Variants in HMCN2 observed in about 807,000 individuals in gnomAD.
The protein encoded by HMCN2 is hemicentin 2, also known as hemicentin-2.
HMCN2 carries 325 observed loss-of-function variants against 377.5 expected under a neutral mutation model. That is an observed-to-expected ratio of 0.86 (90% CI 0.79 to 0.94). HMCN2 has a LOEUF of 0.94. Ranked by LOEUF, HMCN2 falls within the 40% of genes least tolerant of loss-of-function variation. HMCN2 has a pLI of 0.00. For synonymous variants in HMCN2, 2,007 were observed against 2,046.8 expected, an observed-to-expected ratio of 0.98 and a Z score of 0.53; for missense variants, 4,543 against 4,725.3, an observed-to-expected ratio of 0.96 and a Z score of 1.13.
rs1836659157 is a variant in HMCN2, at chr9:130,303,673, G to A, written c.1543+65G>A. Reference sequence around the variant, plus strand: ...CCTCTTCTTGGGTTCTTACCCCTAGGATTTCCTCCAGGCGAGTCTCCAGCC... The same window carrying A: ...CCTCTTCTTGGGTTCTTACCCCTAGAATTTCCTCCAGGCGAGTCTCCAGCC... On this transcript the variant is annotated intron_variant, in intron 10 of 97. Transcript: ENST00000683500. The surrounding 1 kb of genome is among the most constrained non-coding windows in gnomAD (Gnocchi z 5.2). 1 of 209,312 alleles carries A rather than the reference G, an allele frequency of 4.8e-6. No homozygotes were observed. The highest frequency in any genetic ancestry group is 5.8e-5 in the Admixed American group (1 of 17,138). 13.0% of individuals were successfully genotyped at this position (209,312 alleles called of 1,614,324 possible).
chr9:130,387,177 G>A (rs774087899), intron 61 of HMCN2, among the ~76,000 whole-genome samples: 1 of 152,236 alleles, frequency 6.6e-6, no homozygotes, highest in African/African-American at 2.4e-5. Flanking sequence ...GGCTCCAGCT[G>A]GGGTGAGGAG....
At position 130,403,853 on chromosome 9, in the gene HMCN2, G is replaced by T. The variant is rs1842967013; in HGVS notation, c.12126G>T (p.Gly4042=). The change falls in exon 80 of 98, where the codon GGG becomes GGT. Residue 4042 remains glycine, a synonymous_variant. Coordinates refer to ENST00000683500, the MANE Select transcript of HMCN2 (RefSeq NM_001291815.2). ...AGAACAGTGCGGGCAGTGCCATGGG[G>T]AAGACGCGGCTGGTGGTGCAAGGTG... The part of the protein sequence containing the change: ...IAKNSAGSAM[G]KTRLVVQVPP... 7.8e-7 allele frequency: 1 copy of T among 1,289,502 alleles called. No individual in the cohort carries two copies. The highest frequency in any genetic ancestry group is 1.0e-6 in the Non-Finnish European group (1 of 988,690). 79.9% of individuals were successfully genotyped at this position (1,289,502 alleles called of 1,614,324 possible).
chr9:130,413,557 A>C (rs1843529639), intron 85 of HMCN2, among the ~76,000 whole-genome samples: 1 of 152,208 alleles, frequency 6.6e-6, no homozygotes, highest in African/African-American at 2.4e-5. Context: ...ATATAGAAGC[A>C]AACATAAAGA....
chr9:130,325,326 C>T (rs1254082659), intron 19 of HMCN2, among the ~76,000 whole-genome samples: 10 of 151,744 alleles, frequency 6.6e-5, no homozygotes, highest in Admixed American at 6.6e-4. Context: ...GAACTCCTGA[C>T]CTCAAGTGAT....
At chr9:130,314,923 G>A (rs892612487) in intron 15 of HMCN2, among the ~76,000 whole-genome samples, 2 of 152,110 alleles carry the variant, frequency 1.3e-5, no homozygotes, top group Admixed American at 6.5e-5. Context: ...CAGAGGCAGA[G>A]TGGGGGCCTT....
chr9:130,433,120 G>A (rs1588458113), intron 97 of HMCN2: 2 of 475,936 alleles, frequency 4.2e-6, no homozygotes, highest in Non-Finnish European at 7.3e-6. Context: ...TCCGCTGGAG[G>A]GACCATGAAA....
In HMCN2 at chr9:130,400,745, C is replaced by G. The variant is rs1208072876; in HGVS notation, c.11606-38C>G. ...GCCCTGTGGCCGTGAGTGCCCTGTGCCCGCCGGCAGGGCCTCAAGCCTTGT... is the reference window on the plus strand; with the variant it reads ...GCCCTGTGGCCGTGAGTGCCCTGTGGCCGCCGGCAGGGCCTCAAGCCTTGT... On this transcript the variant is annotated intron_variant, in intron 76 of 97. Transcript: ENST00000683500. 7.2e-6 allele frequency: 9 copies of G among 1,256,616 alleles called. No individual in the cohort carries two copies. The South Asian group carries it at 1.2e-4, about 17-fold the overall frequency. The allele number at this position is 1,256,616 out of a possible 1,614,324, so 77.8% of individuals were successfully genotyped here. A position where few individuals can be genotyped will look rare whatever the true frequency, so the allele number is the denominator to read the frequency against.
At chr9:130,368,733 G>T (rs1343379211) in intron 44 of HMCN2, among the ~76,000 whole-genome samples, 1 of 151,700 alleles carries the variant, frequency 6.6e-6, no homozygotes, top group Non-Finnish European at 1.5e-5. Flanking sequence ...CTTACATGTC[G>T]GCAGGAGAGA....
chr9:130,430,273 C>T lies in HMCN2; in HGVS notation c.14327-11C>T. The stretch of plus-strand genomic sequence containing the variant: ...CCACCTGTGCACACACCTGACCCCA[C>T]CCGTCTGCAGATGTCAATGAGTGCC... On this transcript the variant is annotated splice_polypyrimidine_tract_variant and intron_variant, in intron 94 of 97. Transcript: ENST00000683500. 1.3e-6 allele frequency: 2 copies of T among 1,528,550 alleles called. No individual in the cohort carries two copies. Among genetic ancestry groups the T allele is most frequent in the Non-Finnish European group, 1.8e-6 (2 of 1,140,806 alleles). The allele number at this position is 1,528,550 out of a possible 1,614,324, so 94.7% of individuals were successfully genotyped here.
chr9:130,306,614 T>G (rs528735520), intron 12 of HMCN2, among the ~76,000 whole-genome samples, 197 bp from the exon 13 acceptor site: 1 of 132,312 alleles, frequency 7.6e-6, no homozygotes, highest in South Asian at 2.7e-4. Flanking sequence ...CCATTCAGGC[T>G]GTGTGACCTT....
chr9:130,375,081 A>G (rs1841299299), intron 49 of HMCN2, among the ~76,000 whole-genome samples: 1 of 152,226 alleles, frequency 6.6e-6, no homozygotes, highest in Admixed American at 6.5e-5. Context: ...CAGAGCATCT[A>G]TCAAATGAGA....
Position 130,349,136 on chromosome 9 carries a change from G to C in HMCN2, c.4303+5G>C. ...ACTTCCATCTCCTTGTGCTCAGTGA[G>C]TGAGACCTGAGCCCTGTAACTCCCA... On this transcript the variant is annotated splice_donor_5th_base_variant and intron_variant, in intron 28 of 97. Transcript: ENST00000683500. 1 of 1,303,590 alleles carries C rather than the reference G, an allele frequency of 7.7e-7. No individual in the cohort carries two copies. The highest frequency in any genetic ancestry group is 1.0e-6 in the Non-Finnish European group (1 of 988,618). 80.8% of individuals were successfully genotyped at this position (1,303,590 alleles called of 1,614,324 possible).
chr9:130,371,081 TC>T lies in HMCN2; in HGVS notation c.7189del (p.Arg2397GlufsTer21), dbSNP rs1462768930. 1.0e-6 allele frequency: 1 copy of T among 985,830 alleles called. No homozygotes were observed. Among genetic ancestry groups the T allele is most frequent in the Non-Finnish European group, 1.2e-6 (1 of 830,020 alleles). 61.1% of individuals were successfully genotyped at this position (985,830 alleles called of 1,614,324 possible). On this transcript the variant is annotated frameshift_variant, in exon 46 of 98. Coordinates refer to ENST00000683500, the MANE Select transcript of HMCN2 (RefSeq NM_001291815.2). LOFTEE classifies it high-confidence loss of function. Reference protein sequence around the residue: ...MGIPPPAIRWFRGEEPVSPGE... With the variant: ...MGIPPPAIRWXRGEEPVSPGE... ...ATCCCACCTCCAGCCATCCGCTGGT[TC>T]CGAGGGGAGGAGCCTGTCAGCCCCG...
At chr9:130,390,136 G>C (rs1842229737) in intron 62 of HMCN2, among the ~76,000 whole-genome samples, 1 of 152,180 alleles carries the variant, frequency 6.6e-6, no homozygotes, top group Non-Finnish European at 1.5e-5. Flanking sequence ...TGGCACATGT[G>C]TTCCCTGCCT....
rs150614314 is a variant in HMCN2, at chr9:130,418,095, G to C, written c.12962-677G>C. Among the ~76,000 whole-genome samples, 7 of 152,294 alleles carry C rather than the reference G, an allele frequency of 4.6e-5. No individual in the cohort carries two copies. In the East Asian group the frequency reaches 1.2e-3, roughly 25 times the overall value. On this transcript the variant is annotated intron_variant, in intron 85 of 97. Coordinates refer to ENST00000683500, the MANE Select transcript of HMCN2 (RefSeq NM_001291815.2). ...TTGCCCATTTCATTGGCATCAACTAGAGGCAGTTCTGACAGATGGCCCCCC... is the reference window on the plus strand; with the variant it reads ...TTGCCCATTTCATTGGCATCAACTACAGGCAGTTCTGACAGATGGCCCCCC...
intron 82 of HMCN2, 150 bp downstream of exon 82, chr9:130,406,318 G>C (rs1394029152): frequency 5.3e-6 from 3 of 570,358 alleles, no homozygotes; most frequent in Admixed American, 5.3e-5. Context: ...GCCCTATGTA[G>C]GGGGACAGGG....
At chr9:130,409,002 G>A in intron 84 of HMCN2, 69 bp downstream of exon 84, 1 of 1,104,084 alleles carries the variant, frequency 9.1e-7, no homozygotes, top group Non-Finnish European at 1.2e-6. Context: ...GATTGTTCAA[G>A]AGGGTTCTTC....
chr9:130,387,076 C>G (rs1382919274), intron 61 of HMCN2, among the ~76,000 whole-genome samples: 2 of 152,230 alleles, frequency 1.3e-5, no homozygotes, highest in Non-Finnish European at 1.5e-5. Context: ...ATCAGACACA[C>G]AGGAGGCCAC....
chr9:130,395,927 G>A lies in HMCN2; in HGVS notation c.10915G>A (p.Asp3639Asn), dbSNP rs1471524142. 6.2e-6 allele frequency: 8 copies of A among 1,286,828 alleles called. No homozygotes were observed. The Admixed American group carries it at 1.8e-4, about 30-fold the overall frequency. The allele number at this position is 1,286,828 out of a possible 1,614,324, so 79.7% of individuals were successfully genotyped here. A position where few individuals can be genotyped will look rare whatever the true frequency, so the allele number is the denominator to read the frequency against. The change falls in exon 72 of 98, where the codon GAC becomes AAC. Residue 3639 changes from aspartate (D) to asparagine (N), a missense_variant. Transcript: ENST00000683500. ...CCACCCTGGCGGGGCTCTCCAGGAG[G>A]ACGCCCACACACAATTCCCGGAGCG... ...WHRDGIVLQE[D>N]AHTQFPERGR...
Sources: allele counts gnomAD v4.1 joint callset (sites outside exome capture counted in the v4.1 genomes callset), GRCh38; gene constraint gnomAD v4.1.1; non-coding constraint Gnocchi (gnomAD v3.1); transcripts MANE v1.5; gene names NCBI Gene and HGNC (gene_info 2026-07-23, HGNC 2026-07-21).